GOLGA5: variants seen among roughly 807,000 people sequenced by gnomAD.
GOLGA5 encodes golgin subfamily A member 5.
A neutral mutation model predicts 93.5 loss-of-function variants in GOLGA5; 50 were observed. That is an observed-to-expected ratio of 0.53 (90% CI 0.43 to 0.68). The LOEUF (loss-of-function observed/expected upper bound fraction) is 0.68, where lower values mean the gene tolerates loss of function less well. GOLGA5 is among the 30% of genes least tolerant of loss of function. The pLI, the probability that GOLGA5 is intolerant of heterozygous loss-of-function variation, is 0.00. For synonymous variants in GOLGA5, 312 were observed against 304.5 expected (o/e 1.02, Z -0.26); for missense variants, 760 against 856.4 (o/e 0.89, Z 1.40).
Position 92,797,535 on chromosome 14 carries a change from G to A in GOLGA5, c.98G>A (p.Ser33Asn). 6.2e-7 allele frequency: 1 copy of A among 1,613,026 alleles called. No homozygotes were observed. The highest frequency in any genetic ancestry group is 8.5e-7 in the Non-Finnish European group (1 of 1,179,018). ...GCTCTCAGTAGGAAAGACAATGCCAGCAACATATATAGCAAAAATACTGAC... is the reference window on the plus strand; with the variant it reads ...GCTCTCAGTAGGAAAGACAATGCCAACAACATATATAGCAAAAATACTGAC... ...ATALSRKDNA[S>N]NIYSKNTDYT... Residue 33 changes from serine to asparagine, a missense_variant, in exon 2 of 13, where the codon AGC becomes AAC. Ser to Asn is a conservative substitution (Grantham distance 46). Transcript: ENST00000163416.
At chr14:92,837,319 C>T in intron 11 of GOLGA5, 67 bp from the exon 12 acceptor site, 1 of 775,800 alleles carries the variant, frequency 1.3e-6, no homozygotes, top group East Asian at 2.6e-5. Flanking sequence ...TAGATATTAC[C>T]ACAGGAAGAT....
intron 9 of GOLGA5, among the ~76,000 whole-genome samples, chr14:92,832,438 T>G (rs572126769): frequency 4.0e-5 from 6 of 151,454 alleles, no homozygotes; most frequent in Non-Finnish European, 8.8e-5. Flanking sequence ...TAGAGGGAGA[T>G]GGAGACAGAT....
chr14:92,796,976 C>CAAAAAAAAAAAA (rs71123379), intron 1 of GOLGA5, among the ~76,000 whole-genome samples: 1 of 73,686 alleles, frequency 1.4e-5, no homozygotes, highest in Admixed American at 1.7e-4. Context: ...GACTCCGTCT[C>CAAAAAAAAAAAA]AAAAAAAAAA....
intron 12 of GOLGA5, among the ~76,000 whole-genome samples, chr14:92,839,096 T>TTA (rs200873441): frequency 1.9e-3 from 295 of 152,368 alleles, no homozygotes; most frequent in African/African-American, 6.9e-3. Context: ...TCACTCTGCA[T>TTA]TATAATCAAC....
chr14:92,834,184 C>CTTTTTTTTTTTTTTTTTTTTTT (rs35449807), intron 10 of GOLGA5, among the ~76,000 whole-genome samples: 3 of 135,056 alleles, frequency 2.2e-5, no homozygotes, highest in Non-Finnish European at 3.3e-5. Flanking sequence ...TAGGTTTCAC[C>CTTTTTTTTTTTTTTTTTTTTTT]TTTTTTTTTT....
intron 9 of GOLGA5, 89 bp from the exon 10 acceptor site, chr14:92,833,033 C>G: frequency 1.3e-6 from 1 of 776,146 alleles, no homozygotes; most frequent in Non-Finnish European, 2.3e-6. Flanking sequence ...ATGAATGCCA[C>G]AATTTACCTA....
intron 11 of GOLGA5, among the ~76,000 whole-genome samples, chr14:92,836,098 C>T (rs1885635807): frequency 6.6e-6 from 1 of 151,840 alleles, no homozygotes; most frequent in South Asian, 2.1e-4. Context: ...CTGAACAGCA[C>T]TCATTGTATT....
At chr14:92,801,257 A>G (rs989192997) in intron 2 of GOLGA5, among the ~76,000 whole-genome samples, 3 of 152,234 alleles carry the variant, frequency 2.0e-5, no homozygotes, top group Non-Finnish European at 2.9e-5. Flanking sequence ...GGTTGTGCCA[A>G]TTTATACTCT....
chr14:92,838,889 C>T (rs10484037), intron 12 of GOLGA5, among the ~76,000 whole-genome samples: 9,622 of 152,160 alleles, frequency 0.063, 399 homozygotes, highest in Admixed American at 0.088. Flanking sequence ...TCGGTACTAC[C>T]ATGAGGGAAT....
chr14:92,824,795 T>C (rs1187353064), intron 9 of GOLGA5, 151 bp downstream of exon 9: 2 of 586,796 alleles, frequency 3.4e-6, no homozygotes, highest in African/African-American at 3.8e-5. Flanking sequence ...GTATAGAAAA[T>C]TCATCTAATG....
At chr14:92,813,910 A>G (rs1220357174) in intron 6 of GOLGA5, among the ~76,000 whole-genome samples, 5 of 152,206 alleles carry the variant, frequency 3.3e-5, no homozygotes, top group Non-Finnish European at 7.4e-5. Flanking sequence ...GATAGAATAT[A>G]TGACATGTGG....
Position 92,797,980 on chromosome 14 carries a change from C to T in GOLGA5, c.543C>T (p.His181=), listed in dbSNP as rs370774857. ...AAAATTCTTTTGGGAGCCAAACCCA[C>T]GGTAGTTAATCAGTCCTCTTATTTC... ...IEENSFGSQT[H]EAASNSDSSH... is the part of the protein sequence containing the mutation. The change falls in exon 2 of 13, where the codon CAC becomes CAT. Residue 181 remains histidine, a splice_region_variant and synonymous_variant. Transcript: ENST00000163416. The T allele has an allele frequency of 7.7e-6, 12 of 1,566,670 alleles. No individual in the cohort carries two copies. Among genetic ancestry groups the T allele is most frequent in the Admixed American group, 3.9e-5 (2 of 51,080 alleles).
intron 1 of GOLGA5, among the ~76,000 whole-genome samples, chr14:92,796,964 G>A (rs1316171728): frequency 7.9e-5 from 7 of 89,128 alleles, no homozygotes; most frequent in Admixed American, 1.3e-4. Context: ...GCGACAGAGC[G>A]AGACTCCGTC....
At chr14:92,829,394 G>A (rs1885482999) in intron 9 of GOLGA5, among the ~76,000 whole-genome samples, 1 of 152,096 alleles carries the variant, frequency 6.6e-6, no homozygotes, top group Non-Finnish European at 1.5e-5. Flanking sequence ...AAGAACATTT[G>A]TGATTCATGG....
At chr14:92,811,972 T>G (rs1885112363) in intron 6 of GOLGA5, among the ~76,000 whole-genome samples, 1 of 152,256 alleles carries the variant, frequency 6.6e-6, no homozygotes, top group South Asian at 2.1e-4. Context: ...CACTGCCTAG[T>G]TCAGGTCTTC....
Position 92,839,562 on chromosome 14 carries a change from C to A in GOLGA5, c.*116C>A. On this transcript the variant is annotated 3_prime_UTR_variant, in exon 13 of 13. Transcript: ENST00000163416. Reference sequence around the variant, plus strand: ...CACAAGATTATTTTATCACTACAAGCTTTTAACTTTTTAAGTTATTGTACA... The same window carrying A: ...CACAAGATTATTTTATCACTACAAGATTTTAACTTTTTAAGTTATTGTACA... 1.5e-6 allele frequency: 1 copy of A among 649,784 alleles called. No homozygotes were observed. Among genetic ancestry groups the A allele is most frequent in the Non-Finnish European group, 2.7e-6 (1 of 366,776 alleles). 40.3% of individuals were successfully genotyped at this position (649,784 alleles called of 1,614,324 possible).
chr14:92,829,065 A>G (rs1253692358), intron 9 of GOLGA5, among the ~76,000 whole-genome samples: 2 of 152,222 alleles, frequency 1.3e-5, no homozygotes, highest in African/African-American at 2.4e-5. Context: ...CCTGGGCTCA[A>G]GTGATCCTCC....
intron 6 of GOLGA5, among the ~76,000 whole-genome samples, chr14:92,815,032 G>T (rs1454863900): frequency 6.6e-6 from 1 of 152,110 alleles, no homozygotes; most frequent in Non-Finnish European, 1.5e-5. Context: ...GCACTGCCAG[G>T]TTAGCCTCCT....
intron 7 of GOLGA5, among the ~76,000 whole-genome samples, chr14:92,817,856 A>G (rs1265431139): frequency 6.6e-6 from 1 of 152,194 alleles, no homozygotes; most frequent in African/African-American, 2.4e-5. Flanking sequence ...GCGGAGCTTT[A>G]ATTTTCTCAT....
Sources: allele counts gnomAD v4.1 joint callset (sites outside exome capture counted in the v4.1 genomes callset), GRCh38; gene constraint gnomAD v4.1.1; transcripts MANE v1.5; gene names NCBI Gene and HGNC (gene_info 2026-07-23, HGNC 2026-07-21).